INPP5A: variants seen among roughly 807,000 people sequenced by gnomAD.
INPP5A encodes the protein inositol polyphosphate-5-phosphatase A.
INPP5A carries 14 observed loss-of-function variants against 65.2 expected under a neutral mutation model. The observed-to-expected ratio is 0.21, with a 90% CI of 0.14 to 0.34. The LOEUF is 0.34. INPP5A is among the 10% of genes least tolerant of loss of function. The pLI is 1.00. For synonymous variants in INPP5A, 207 were observed against 208.3 expected, an observed-to-expected ratio of 0.99 and a Z score of 0.05; for missense variants, 431 against 545.6, an observed-to-expected ratio of 0.79 and a Z score of 2.09.
In INPP5A at chr10:132,637,421, T is replaced by C. The variant is rs1235653661; in HGVS notation, c.118-8447T>C. Among the ~76,000 whole-genome samples, 2 of 150,344 alleles carry C rather than the reference T, an allele frequency of 1.3e-5. No homozygotes were observed. The highest frequency in any genetic ancestry group is 3.0e-5 in the Non-Finnish European group (2 of 67,256). ...AGGTGAGTGTGTAAGTGCGGGTCTT[T>C]TTCTGTTTTGAAGTTTTCCTGGGTT... is the stretch of plus-strand genomic sequence containing the variant. On this transcript the variant is annotated intron_variant, in intron 2 of 15. Coordinates refer to ENST00000368594, the MANE Select transcript of INPP5A (RefSeq NM_005539.5). This position sits in a 1 kb window ranked among gnomAD's most constrained non-coding sequence, Gnocchi z 4.1.
chr10:132,628,315 C>T (rs544204408), intron 2 of INPP5A, among the ~76,000 whole-genome samples: 1 of 152,328 alleles, frequency 6.6e-6, no homozygotes, highest in East Asian at 1.9e-4. Context: ...CGTGAGCATG[C>T]ACCCATGGCT....
intron 9 of INPP5A, among the ~76,000 whole-genome samples, chr10:132,738,940 G>T (rs919374683): frequency 6.6e-6 from 1 of 152,206 alleles, no homozygotes; most frequent in Admixed American, 6.5e-5. Flanking sequence ...GGGCACTTTT[G>T]TCAAGTGATA....
rs1332750376 is a variant in INPP5A, at chr10:132,659,964, GACATGGC to G, written c.306+9465_306+9471del. ...ACATGACACGCGGCATACTCCCTGT[GACATGGC>G]ACATGACACGTGACACAACACATTC... On this transcript the variant is annotated intron_variant, in intron 4 of 15. Transcript: ENST00000368594. This position sits in a 1 kb window ranked among gnomAD's most constrained non-coding sequence, Gnocchi z 5.5. Among the ~76,000 whole-genome samples, 1 of 152,242 alleles carries G rather than the reference GACATGGC, an allele frequency of 6.6e-6. No homozygotes were observed. The highest frequency in any genetic ancestry group is 2.4e-5 in the African/African-American group (1 of 41,460).
Position 132,587,981 on chromosome 10 carries a change from C to T in INPP5A, c.76-19934C>T. Among the ~76,000 whole-genome samples the T allele has an allele frequency of 7.7e-6, 1 of 129,546 alleles. No homozygotes were observed. The highest frequency in any genetic ancestry group is 1.6e-5 in the Non-Finnish European group (1 of 63,516). The allele number at this position is 129,546 out of a possible 152,430, so 85.0% of individuals were successfully genotyped here. A position where few individuals can be genotyped will look rare whatever the true frequency, so the allele number is the denominator to read the frequency against. ...GAGCCAAGATGGCGCCATTGCCCTC[C>T]AGCCTGGGCAACAAGAGTAAAACTC... On this transcript the variant is annotated intron_variant, in intron 1 of 15. Coordinates refer to ENST00000368594, the MANE Select transcript of INPP5A (RefSeq NM_005539.5). The surrounding 1 kb of genome is among the most constrained non-coding windows in gnomAD (Gnocchi z 4.3).
chr10:132,725,019 G>GA (rs1339619439), intron 8 of INPP5A, among the ~76,000 whole-genome samples: 1 of 141,926 alleles, frequency 7.0e-6, no homozygotes, highest in Non-Finnish European at 1.5e-5. Flanking sequence ...AACTCACGGG[G>GA]GGCCCCAGGC....
Position 132,705,802 on chromosome 10 carries a change from T to G in INPP5A, c.475-2511T>G, listed in dbSNP as rs1196789373. ...TGGGGAGCAGAGAGCCCAGACCTTTTACAATGCTGGGTGGGGTGGCCATGG... is the reference window on the plus strand; with the variant it reads ...TGGGGAGCAGAGAGCCCAGACCTTTGACAATGCTGGGTGGGGTGGCCATGG... On this transcript the variant is annotated intron_variant, in intron 6 of 15. Transcript: ENST00000368594. This position sits in a 1 kb window ranked among gnomAD's most constrained non-coding sequence, Gnocchi z 4.9. Among the ~76,000 whole-genome samples the G allele has an allele frequency of 6.6e-6, 1 of 152,090 alleles. No homozygotes were observed. The highest frequency in any genetic ancestry group is 2.4e-5 in the African/African-American group (1 of 41,414).
Position 132,570,511 on chromosome 10 carries a change from C to G in INPP5A, c.75+32340C>G, listed in dbSNP as rs145378194. ...GGTGGCAAGGCTTCTCTAGCTGTCACTGGGTCCTTGAACCCCCGCTGGCCT... is the reference window on the plus strand; with the variant it reads ...GGTGGCAAGGCTTCTCTAGCTGTCAGTGGGTCCTTGAACCCCCGCTGGCCT... On this transcript the variant is annotated intron_variant, in intron 1 of 15. Coordinates refer to ENST00000368594, the MANE Select transcript of INPP5A (RefSeq NM_005539.5). Among the ~76,000 whole-genome samples the G allele has an allele frequency of 2.8e-3, 427 of 152,314 alleles. 2 individuals are homozygous for G. The highest frequency in any genetic ancestry group is 9.8e-3 in the African/African-American group (409 of 41,572).
chr10:132,688,670 A>C (rs993686477), intron 4 of INPP5A, among the ~76,000 whole-genome samples: 2 of 149,256 alleles, frequency 1.3e-5, no homozygotes, highest in Admixed American at 6.7e-5. Context: ...AGTGTGAACA[A>C]GTGTGTGCGT....
intron 8 of INPP5A, among the ~76,000 whole-genome samples, chr10:132,711,440 A>G (rs1172914936): frequency 6.6e-6 from 1 of 152,032 alleles, no homozygotes. Context: ...CCTGTGGTTG[A>G]CAAGACAGTG....
chr10:132,615,225 G>A (rs565649422), intron 2 of INPP5A, among the ~76,000 whole-genome samples: 8 of 152,342 alleles, frequency 5.3e-5, no homozygotes, highest in Non-Finnish European at 7.3e-5. Context: ...GTGGCGGCCC[G>A]CAGCCCGTGG....
intron 2 of INPP5A, among the ~76,000 whole-genome samples, chr10:132,636,717 G>A (rs2072357654): frequency 6.6e-6 from 1 of 152,154 alleles, no homozygotes; most frequent in African/African-American, 2.4e-5. Flanking sequence ...GCTGATGGGG[G>A]CAAAATTTCC....
At chr10:132,758,967 C>T (rs1036725720) in intron 11 of INPP5A, among the ~76,000 whole-genome samples, 19 of 152,248 alleles carry the variant, frequency 1.2e-4, no homozygotes, top group African/African-American at 3.9e-4. Flanking sequence ...TCTGCCATCA[C>T]GTTTCCCTGT....
intron 4 of INPP5A, among the ~76,000 whole-genome samples, chr10:132,684,460 A>G (rs548514378): frequency 3.9e-5 from 6 of 152,222 alleles, no homozygotes; most frequent in East Asian, 1.9e-4. Context: ...GGTTATGTAC[A>G]TGTGTGTGCA....
intron 7 of INPP5A, among the ~76,000 whole-genome samples, chr10:132,710,131 G>C (rs961670134): frequency 1.3e-5 from 2 of 152,256 alleles, no homozygotes; most frequent in Non-Finnish European, 2.9e-5. Flanking sequence ...AACTGCATTT[G>C]TAAAGACATA....
intron 9 of INPP5A, among the ~76,000 whole-genome samples, chr10:132,740,548 G>A (rs1430754452): frequency 6.6e-6 from 1 of 152,192 alleles, no homozygotes; most frequent in Admixed American, 6.5e-5. Context: ...AACTGAAGCC[G>A]TAATGATTTC....
At chr10:132,695,668 A>G (rs1261065463) in intron 5 of INPP5A, among the ~76,000 whole-genome samples, 1 of 152,256 alleles carries the variant, frequency 6.6e-6, no homozygotes, top group African/African-American at 2.4e-5. Context: ...ATGCCTAGTT[A>G]AGATACAGAA....
At chr10:132,699,928 G>T (rs2134504629) in intron 6 of INPP5A, among the ~76,000 whole-genome samples, 1 of 152,298 alleles carries the variant, frequency 6.6e-6, no homozygotes, top group Admixed American at 6.5e-5. Context: ...CTATGACTTT[G>T]CCACCCTTTG....
At chr10:132,714,155 C>A (rs1048579801) in intron 8 of INPP5A, among the ~76,000 whole-genome samples, 9 of 152,340 alleles carry the variant, frequency 5.9e-5, no homozygotes, top group East Asian at 5.8e-4. Context: ...CCCCTCGCTG[C>A]CATGGCTCCG....
chr10:132,721,980 G>A (rs574970376), intron 8 of INPP5A, among the ~76,000 whole-genome samples: 6 of 152,292 alleles, frequency 3.9e-5, no homozygotes, highest in African/African-American at 1.4e-4. Flanking sequence ...AAACAGGCTG[G>A]TATGTTTATT....
Sources: allele counts gnomAD v4.1 joint callset (sites outside exome capture counted in the v4.1 genomes callset), GRCh38; gene constraint gnomAD v4.1.1; non-coding constraint Gnocchi (gnomAD v3.1); transcripts MANE v1.5; gene names NCBI Gene and HGNC (gene_info 2026-07-23, HGNC 2026-07-21).